Variants in GNA14 observed in about 807,000 individuals in gnomAD.
The protein encoded by GNA14 is G protein subunit alpha 14.
Under a neutral mutation model 42.0 loss-of-function variants are expected in GNA14, and 50 were observed. The ratio of observed to expected loss-of-function variants is 1.19; its 90% CI spans 0.95 to 1.51. The LOEUF (loss-of-function observed/expected upper bound fraction) is 1.51. Ranked by LOEUF, GNA14 falls within the 40% of genes most tolerant of loss-of-function variation. The probability of loss-of-function intolerance (pLI) is 0.00; values close to 1 mark genes in which losing one functional copy is unlikely to be tolerated. For synonymous variants in GNA14, 173 were observed against 163.1 expected (o/e 1.06, Z -0.46); for missense variants, 473 against 446.2 (o/e 1.06, Z -0.54).
At chr9:77,458,903 GA>G (rs996926122) in intron 2 of GNA14, among the ~76,000 whole-genome samples, 4 of 119,572 alleles carry the variant, frequency 3.3e-5, no homozygotes, top group South Asian at 2.5e-4. Context: ...TCACAAGCTG[GA>G]GGGGGGGGGG....
At chr9:77,555,006 G>T (rs1052287659) in intron 1 of GNA14, among the ~76,000 whole-genome samples, 1 of 151,902 alleles carries the variant, frequency 6.6e-6, no homozygotes. Context: ...AGTTAGTGCA[G>T]ATGCTTTGAA....
intron 1 of GNA14, among the ~76,000 whole-genome samples, chr9:77,637,204 T>G (rs1186113853): frequency 6.6e-6 from 1 of 152,240 alleles, no homozygotes; most frequent in Non-Finnish European, 1.5e-5. Flanking sequence ...ATCAGATTTC[T>G]GCTGGCTTGA....
At chr9:77,455,966 A>G (rs1343539702) in intron 2 of GNA14, among the ~76,000 whole-genome samples, 1 of 152,176 alleles carries the variant, frequency 6.6e-6, no homozygotes, top group East Asian at 1.9e-4. Flanking sequence ...TACTATTTTA[A>G]GGTAGACAGT....
chr9:77,455,353 G>A (rs1456286935), intron 2 of GNA14, among the ~76,000 whole-genome samples: 1 of 152,176 alleles, frequency 6.6e-6, no homozygotes, highest in Admixed American at 6.5e-5. Context: ...GAACACCCAG[G>A]ATTATCTCCT....
rs193249771 is a variant in GNA14 at position 77,615,229 on chromosome 9, A to C, written c.124+32441T>G. On this transcript the variant is annotated intron_variant, in intron 1 of 6. Transcript: ENST00000341700. The stretch of plus-strand genomic sequence containing the variant: ...TCCTTCAGTCTCCAAATTAGCCATC[A>C]ATTTCTCAGAGAAGAGACTCTCCTA... Among the ~76,000 whole-genome samples, 13 of 152,270 alleles carry C rather than the reference A, an allele frequency of 8.5e-5. No individual in the cohort carries two copies. In the East Asian group the frequency reaches 2.5e-3, roughly 29 times the overall value.
chr9:77,451,089 T>C (rs1376912181), intron 2 of GNA14, among the ~76,000 whole-genome samples: 1 of 152,126 alleles, frequency 6.6e-6, no homozygotes, highest in Non-Finnish European at 1.5e-5. Flanking sequence ...CATCTGAGTA[T>C]AGTGTGACCA....
At chr9:77,512,195 T>G (rs1384915467) in intron 2 of GNA14, among the ~76,000 whole-genome samples, 2 of 152,252 alleles carry the variant, frequency 1.3e-5, no homozygotes, top group Non-Finnish European at 2.9e-5. Flanking sequence ...AACATACGAT[T>G]TATTTAACAA....
intron 1 of GNA14, among the ~76,000 whole-genome samples, chr9:77,600,638 C>A (rs939294958): frequency 2.6e-5 from 4 of 152,204 alleles, no homozygotes; most frequent in Non-Finnish European, 4.4e-5. Flanking sequence ...CAGATTAGGG[C>A]CGGACGCAGT....
In GNA14 at chr9:77,458,907, G is replaced by C. The variant is rs760611573; in HGVS notation, c.310-24385C>G. 3.4e-5 allele frequency among the ~76,000 whole-genome samples: 5 copies of C among 147,506 alleles called. 1 individual carries two copies. The highest frequency in any genetic ancestry group is 7.3e-5 in the African/African-American group (3 of 41,002). On this transcript the variant is annotated intron_variant, in intron 2 of 6. Coordinates refer to ENST00000341700, the MANE Select transcript of GNA14 (RefSeq NM_004297.4). Reference sequence around the variant, plus strand: ...AGCTCCTTTTATCACAAGCTGGAGGGGGGGGGGTTGTCCTCTTCTCCCCCT... The same window carrying C: ...AGCTCCTTTTATCACAAGCTGGAGGCGGGGGGGTTGTCCTCTTCTCCCCCT...
At chr9:77,571,959 A>G (rs984252208) in intron 1 of GNA14, among the ~76,000 whole-genome samples, 2 of 152,168 alleles carry the variant, frequency 1.3e-5, no homozygotes, top group Non-Finnish European at 2.9e-5. Flanking sequence ...TCATAAGAGA[A>G]TCTGTGTTTT....
intron 1 of GNA14, among the ~76,000 whole-genome samples, chr9:77,548,142 C>T (rs1837743003): frequency 6.6e-6 from 1 of 152,204 alleles, no homozygotes; most frequent in Non-Finnish European, 1.5e-5. Flanking sequence ...CCAGGAAACA[C>T]ATCCTCTCAC....
At chr9:77,426,272 G>A (rs999798753) in intron 5 of GNA14, among the ~76,000 whole-genome samples, 8 of 150,454 alleles carry the variant, frequency 5.3e-5, no homozygotes, top group East Asian at 4.1e-4. Context: ...GCAGTGGCCC[G>A]TTTGATGGGT....
chr9:77,548,632 G>T (rs1170244375), intron 1 of GNA14, among the ~76,000 whole-genome samples: 1 of 152,178 alleles, frequency 6.6e-6, no homozygotes, highest in Non-Finnish European at 1.5e-5. Flanking sequence ...TAACATGAAA[G>T]GGTCTCTTCA....
At chr9:77,474,905 C>T (rs1836392495) in intron 2 of GNA14, among the ~76,000 whole-genome samples, 1 of 152,042 alleles carries the variant, frequency 6.6e-6, no homozygotes, top group Admixed American at 6.5e-5. Context: ...CGAATGGCCA[C>T]ATATTACATG....
At chr9:77,545,198 A>C (rs28361379) in intron 1 of GNA14, among the ~76,000 whole-genome samples, 8,342 of 152,254 alleles carry the variant, frequency 0.055, 703 homozygotes, top group African/African-American at 0.18. Context: ...CAGTACCTAA[A>C]CCACCTTCCT....
chr9:77,568,883 T>G (rs945990809), intron 1 of GNA14, among the ~76,000 whole-genome samples: 1 of 152,188 alleles, frequency 6.6e-6, no homozygotes, highest in African/African-American at 2.4e-5. Context: ...GACAGTAAAG[T>G]CGCACTTCAG....
chr9:77,427,344 C>T lies in GNA14; in HGVS notation c.723+1563G>A, dbSNP rs537555222. Among the ~76,000 whole-genome samples, 18 of 150,650 alleles carry T rather than the reference C, an allele frequency of 1.2e-4. No homozygotes were observed. In the South Asian group the frequency reaches 3.6e-3, roughly 30 times the overall value. ...GCCTTTAAAAAAAAAAAAAAAATCT[C>T]CAACTGAGAGGGCTGGGCGACAGCC... On this transcript the variant is annotated intron_variant, in intron 5 of 6. Coordinates refer to ENST00000341700, the MANE Select transcript of GNA14 (RefSeq NM_004297.4).
intron 1 of GNA14, among the ~76,000 whole-genome samples, chr9:77,595,934 A>C (rs1004447860): frequency 1.3e-5 from 2 of 152,072 alleles, no homozygotes; most frequent in African/African-American, 4.8e-5. Context: ...GCCCAAGCAC[A>C]GGGCTACATT....
chr9:77,636,913 C>G (rs1375583788), intron 1 of GNA14, among the ~76,000 whole-genome samples: 1 of 152,152 alleles, frequency 6.6e-6, no homozygotes, highest in Admixed American at 6.5e-5. Flanking sequence ...TATATGATGG[C>G]TCTTACTAGA....
Sources: gnomAD v4.1 joint callset for allele counts (sites outside exome capture counted in the v4.1 genomes callset) on GRCh38, gnomAD v4.1.1 for gene constraint, MANE v1.5 for transcripts, NCBI Gene and HGNC (gene_info 2026-07-23, HGNC 2026-07-21) for gene names.